Variants in WDR27 observed in about 807,000 individuals in gnomAD.
WDR27 encodes the protein WD repeat-containing protein 27.
A neutral mutation model predicts 114.4 loss-of-function variants in WDR27; 100 were observed. That is an observed-to-expected ratio of 0.87 (90% CI 0.74 to 1.03). WDR27 has a LOEUF of 1.03. WDR27 is among the 50% of genes least tolerant of loss of function. The probability of loss-of-function intolerance (pLI) is 0.00; values close to 1 mark genes in which losing one functional copy is unlikely to be tolerated. For missense variants in WDR27, 1,129 were observed against 1,092.9 expected (o/e 1.03, Z -0.47); for synonymous variants, 449 against 423.1 (o/e 1.06, Z -0.75).
chr6:169,429,304 G>A, the WDR27 span, among the ~76,000 whole-genome samples: 2 of 152,222 alleles, frequency 1.3e-5, 1 homozygote, highest in East Asian at 3.9e-4. Flanking sequence ...GTGGGCTCCT[G>A]GTTGGTTTGC....
intron 25 of WDR27, among the ~76,000 whole-genome samples, chr6:169,554,973 TA>T (rs1482306348): frequency 2.6e-5 from 4 of 152,198 alleles, no homozygotes; most frequent in Admixed American, 1.3e-4. Context: ...TTAACATAAG[TA>T]AAGTTGTTAG....
At chr6:169,555,110 A>G (rs9371139) in intron 25 of WDR27, among the ~76,000 whole-genome samples, 15,073 of 152,170 alleles carry the variant, frequency 0.099, 1,817 homozygotes, top group East Asian at 0.58. Flanking sequence ...CTTCCCTTGA[A>G]TAACTAAAAT....
intron 23 of WDR27, among the ~76,000 whole-genome samples, chr6:169,594,571 C>G (rs1212549373): frequency 1.3e-5 from 2 of 152,118 alleles, no homozygotes; most frequent in Non-Finnish European, 1.5e-5. Context: ...TTGTTTCCAC[C>G]TTGTGAAATT....
At chr6:169,625,674 A>G (rs940739811) in intron 21 of WDR27, among the ~76,000 whole-genome samples, 7 of 152,156 alleles carry the variant, frequency 4.6e-5, no homozygotes, top group Non-Finnish European at 1.0e-4. Flanking sequence ...TCGGGAAACC[A>G]GTGTGGAGCC....
chr6:169,660,767 C>A lies in WDR27; in HGVS notation c.1026-1G>T, dbSNP rs772082163. ...ACATCGGGTGTTCTCAGAAGAAAGA[C>A]TGATTTAAGGAAAAAAAGAAAAGAA... On this transcript the variant is annotated splice_acceptor_variant, in intron 9 of 25. Coordinates refer to ENST00000448612, the MANE Select transcript of WDR27 (RefSeq NM_182552.5). LOFTEE classifies it high-confidence loss of function. The A allele has an allele frequency of 1.9e-6, 3 of 1,612,766 alleles. No individual in the cohort carries two copies. The highest frequency in any genetic ancestry group is 2.2e-5 in the South Asian group (2 of 91,080).
chr6:169,485,249 GT>G (rs1788726817), intron 25 of WDR27, among the ~76,000 whole-genome samples: 1 of 152,146 alleles, frequency 6.6e-6, no homozygotes, highest in African/African-American at 2.4e-5. Context: ...ATAAGATAAA[GT>G]ATTTGCAAAC....
intron 25 of WDR27, among the ~76,000 whole-genome samples, chr6:169,491,727 C>T (rs549079338): frequency 2.0e-5 from 3 of 152,242 alleles, no homozygotes; most frequent in Admixed American, 2.0e-4. Context: ...ATGATGTGTG[C>T]TGGGACCTGG....
chr6:169,574,475 C>T (rs551067822), intron 24 of WDR27, among the ~76,000 whole-genome samples: 8 of 152,160 alleles, frequency 5.3e-5, no homozygotes, highest in African/African-American at 1.9e-4. Flanking sequence ...ATCTGTCTCC[C>T]GCTTTTCAAA....
intron 24 of WDR27, among the ~76,000 whole-genome samples, chr6:169,580,729 A>G (rs1803221980): frequency 6.6e-6 from 1 of 152,114 alleles, no homozygotes; most frequent in Admixed American, 6.5e-5. Flanking sequence ...AGTCATGGTA[A>G]GTAATTATTT....
At chr6:169,567,616 G>T (rs563818841) in intron 25 of WDR27, among the ~76,000 whole-genome samples, 1 of 152,142 alleles carries the variant, frequency 6.6e-6, no homozygotes, top group East Asian at 1.9e-4. Context: ...ACTGAAGGCG[G>T]CGTGCTGAGA....
At position 169,665,499 on chromosome 6, in the gene WDR27, C is replaced by A; in HGVS notation, c.770G>T (p.Cys257Phe). The A allele has an allele frequency of 6.2e-7, 1 of 1,613,644 alleles. No individual in the cohort carries two copies. Among genetic ancestry groups the A allele is most frequent in the Non-Finnish European group, 8.5e-7 (1 of 1,179,682 alleles). Residue 257 changes from cysteine (C) to phenylalanine (F), a missense_variant, in exon 7 of 26, where the codon TGT becomes TTT. Cys to Phe is a radical substitution (Grantham distance 205). Transcript: ENST00000448612. The stretch of plus-strand genomic sequence containing the variant: ...TGGCTGTCTCACCTGGCCGTCAGCA[C>A]ACCCGGTGACCAGCTGCCTGCTTTC... ...DAESRQLVTG[C>F]ADGQLWIFSL...
At chr6:169,466,287 G>T (rs1344451741) in intron 25 of WDR27, among the ~76,000 whole-genome samples, 1 of 152,112 alleles carries the variant, frequency 6.6e-6, no homozygotes. Flanking sequence ...TTTTCACACT[G>T]CTATAAAGAA....
chr6:169,636,287 TA>T, intron 19 of WDR27, 83 bp downstream of exon 19: 2 of 1,511,330 alleles, frequency 1.3e-6, no homozygotes, highest in Non-Finnish European at 1.8e-6. Flanking sequence ...GGCAACATTT[TA>T]AAATGTAAAT....
At chr6:169,653,452 T>C (rs937073453) in intron 13 of WDR27, among the ~76,000 whole-genome samples, 10 of 152,240 alleles carry the variant, frequency 6.6e-5, no homozygotes, top group Admixed American at 2.0e-4. Context: ...AAAAAGTAAA[T>C]GAACAGAAAA....
chr6:169,434,176 C>T, the WDR27 span, among the ~76,000 whole-genome samples: 1 of 152,022 alleles, frequency 6.6e-6, no homozygotes. Context: ...CCTATGTCCT[C>T]GATGGTATTG....
intron 22 of WDR27, among the ~76,000 whole-genome samples, chr6:169,602,564 T>C (rs1484294333): frequency 2.0e-5 from 3 of 152,192 alleles, no homozygotes; most frequent in Admixed American, 1.3e-4. Flanking sequence ...AATAAGCTTT[T>C]ATATGTGATA....
At chr6:169,479,088 T>C (rs757147964) in intron 25 of WDR27, among the ~76,000 whole-genome samples, 2 of 152,262 alleles carry the variant, frequency 1.3e-5, no homozygotes, top group East Asian at 3.9e-4. Flanking sequence ...ATAGCTTCTG[T>C]ACAGCAAAAG....
At chr6:169,570,807 C>A (rs902167243) in intron 25 of WDR27, among the ~76,000 whole-genome samples, 1 of 152,156 alleles carries the variant, frequency 6.6e-6, no homozygotes, top group East Asian at 1.9e-4. Context: ...CCAGCCTGGG[C>A]CACAAGAGCG....
At chr6:169,615,034 G>A (rs555487387) in intron 21 of WDR27, among the ~76,000 whole-genome samples, 1 of 152,110 alleles carries the variant, frequency 6.6e-6, no homozygotes, top group Non-Finnish European at 1.5e-5. Flanking sequence ...CAATCCAATA[G>A]AGGGTGAGGA....
Sources: gnomAD v4.1 joint callset for allele counts (sites outside exome capture counted in the v4.1 genomes callset) on GRCh38, gnomAD v4.1.1 for gene constraint, MANE v1.5 for transcripts, NCBI Gene and HGNC (gene_info 2026-07-23, HGNC 2026-07-21) for gene names.